AMOTL1: variants seen among roughly 807,000 people sequenced by gnomAD.
AMOTL1 encodes angiomotin-like protein 1.
In AMOTL1, 45 loss-of-function variants were observed where a neutral mutation model predicts 102.9. That is an observed-to-expected ratio of 0.44 (90% CI 0.34 to 0.56). The LOEUF is 0.56. Among genes scored for constraint, AMOTL1 ranks in the 20% least tolerant of loss-of-function variants. The probability of loss-of-function intolerance (pLI) is 0.01; values close to 1 mark genes in which losing one functional copy is unlikely to be tolerated. For missense variants in AMOTL1, 1,114 were observed against 1,225.6 expected (o/e 0.91, Z 1.36); for synonymous variants, 481 against 484.7 (o/e 0.99, Z 0.10).
chr11:94,720,867 CGTAA>C (rs1298104067), intron 1 of AMOTL1, among the ~76,000 whole-genome samples: 1 of 151,948 alleles, frequency 6.6e-6, no homozygotes. Context: ...GGAGGGTGTG[CGTAA>C]GTTAGTTTCC....
chr11:94,709,583 A>G (rs1389043916), intron 1 of AMOTL1, among the ~76,000 whole-genome samples: 1 of 152,200 alleles, frequency 6.6e-6, no homozygotes, highest in Admixed American at 6.5e-5. Context: ...GAGAGGCTAC[A>G]AGGATTGAAT....
At position 94,799,727 on chromosome 11, in the gene AMOTL1, GCAGCCT is replaced by G; in HGVS notation, c.542_547del (p.Pro181_Gln182del). On this transcript the variant is annotated inframe_deletion, in exon 3 of 13. Coordinates refer to ENST00000433060, the MANE Select transcript of AMOTL1 (RefSeq NM_130847.3). This position sits in a 1 kb window ranked among gnomAD's most constrained non-coding sequence, Gnocchi z 4.5. ...TGATGGAGAAACAGGTCCGGTCCAC[GCAGCCT>G]CAGCAGAACAACGAGGAACTGCCCA... The G allele has an allele frequency of 6.2e-7, 1 of 1,613,002 alleles. No individual in the cohort carries two copies. Among genetic ancestry groups the G allele is most frequent in the Non-Finnish European group, 8.5e-7 (1 of 1,179,426 alleles).
chr11:94,710,998 C>G (rs923770643), intron 1 of AMOTL1, among the ~76,000 whole-genome samples: 2 of 152,080 alleles, frequency 1.3e-5, no homozygotes, highest in African/African-American at 4.8e-5. Flanking sequence ...TACGGGGATC[C>G]AAAGCCCAAG....
chr11:94,854,140 T>C, intron 8 of AMOTL1, 58 bp downstream of exon 8: 2 of 1,464,938 alleles, frequency 1.4e-6, no homozygotes, highest in East Asian at 2.5e-5. Flanking sequence ...AGCAAACGTA[T>C]GGATGTTCTA....
At position 94,778,840 on chromosome 11, in the gene AMOTL1, G is replaced by A. The variant is rs566606398; in HGVS notation, c.49+10280G>A. Among the ~76,000 whole-genome samples, 6 of 152,300 alleles carry A rather than the reference G, an allele frequency of 3.9e-5. No individual in the cohort carries two copies. The South Asian group carries it at 8.3e-4, about 21-fold the overall frequency. ...ACTTGAAGGCTAGGTCTGCAGACCA[G>A]AGTGTCAACAAGTTGCCTTTCCACA... On this transcript the variant is annotated intron_variant, in intron 1 of 12. Transcript: ENST00000433060.
At chr11:94,764,932 C>T (rs971219641), upstream of AMOTL1, among the ~76,000 whole-genome samples, 11 of 152,230 alleles carry the variant, frequency 7.2e-5, no homozygotes, top group Middle Eastern at 3.4e-3. Flanking sequence ...TGAGGCTCTC[C>T]GTGTCTAGAA....
intron 11 of AMOTL1, among the ~76,000 whole-genome samples, chr11:94,866,964 G>A (rs1246423782): frequency 1.3e-5 from 2 of 152,128 alleles, no homozygotes; most frequent in African/African-American, 4.8e-5. Flanking sequence ...GGGGAAGCAG[G>A]CAGCGTGCTC....
chr11:94,765,406 CAG>C (rs1325830040), upstream of AMOTL1, among the ~76,000 whole-genome samples: 4 of 152,304 alleles, frequency 2.6e-5, no homozygotes, highest in Admixed American at 2.0e-4. Context: ...TAGTGAAATT[CAG>C]AGTCTTTTTT....
chr11:94,738,259 CTTTT>C (rs10598219), intron 2 of AMOTL1, among the ~76,000 whole-genome samples: 13 of 139,010 alleles, frequency 9.4e-5, no homozygotes, highest in Non-Finnish European at 1.3e-4. Flanking sequence ...TAATTTTGTG[CTTTT>C]TTTTTTTTTT....
At chr11:94,841,901 G>T (rs1373603901) in intron 6 of AMOTL1, among the ~76,000 whole-genome samples, 1 of 152,198 alleles carries the variant, frequency 6.6e-6, no homozygotes, top group Non-Finnish European at 1.5e-5. Flanking sequence ...AACTTCTACA[G>T]GTAGAGAGTC....
At chr11:94,803,394 A>T (rs1565358997) in intron 3 of AMOTL1, among the ~76,000 whole-genome samples, 1 of 152,126 alleles carries the variant, frequency 6.6e-6, no homozygotes, top group African/African-American at 2.4e-5. Context: ...ACCTTGGCCC[A>T]TGTGGGTGAG....
In AMOTL1 at chr11:94,799,922, G is replaced by C; in HGVS notation, c.732G>C (p.Ala244=). Reference sequence around the variant, plus strand: ...TGAACCGTGCCAACAGTGGACAGGCGCATAAGGACGAGGCGCTGAAGGAAC... The same window carrying C: ...TGAACCGTGCCAACAGTGGACAGGCCCATAAGGACGAGGCGCTGAAGGAAC... ...PTVNRANSGQ[A]HKDEALKELK... is the part of the protein sequence containing the mutation. Residue 244 remains alanine (A), a synonymous_variant, in exon 3 of 13, where the codon GCG becomes GCC. Transcript: ENST00000433060. The surrounding 1 kb of genome is among the most constrained non-coding windows in gnomAD (Gnocchi z 4.5). 6.2e-7 allele frequency: 1 copy of C among 1,611,366 alleles called. No homozygotes were observed. The highest frequency in any genetic ancestry group is 1.3e-5 in the African/African-American group (1 of 75,054).
chr11:94,713,986 C>T (rs1275889366), intron 1 of AMOTL1, among the ~76,000 whole-genome samples: 2 of 151,984 alleles, frequency 1.3e-5, no homozygotes, highest in African/African-American at 4.8e-5. Context: ...GAAAAGCATT[C>T]AGTCTTTCAC....
intron 1 of AMOTL1, among the ~76,000 whole-genome samples, chr11:94,728,411 A>G (rs1427956785): frequency 6.6e-6 from 1 of 152,204 alleles, no homozygotes; most frequent in Non-Finnish European, 1.5e-5. Flanking sequence ...TTCTTTTAAA[A>G]TAATATTTAT....
chr11:94,733,629 G>T (rs925135529), intron 2 of AMOTL1, among the ~76,000 whole-genome samples: 10 of 152,228 alleles, frequency 6.6e-5, no homozygotes, highest in African/African-American at 2.4e-4. Flanking sequence ...TAGATGCTGG[G>T]TTGGAAATAT....
Position 94,866,094 on chromosome 11 carries a change from CT to C in AMOTL1, c.2415del (p.Arg806AlafsTer24). On this transcript the variant is annotated frameshift_variant, in exon 11 of 13. Transcript: ENST00000433060. LOFTEE classifies it high-confidence loss of function. ...ATAGCAGCAGCTACTGGGACACACT[CT>C]CGCCAGACCTCTCTTACCAGCAGCC... ...PSIAAATGTH[S>X]RQTSLTSSQL... is the part of the protein sequence containing the mutation. 1 of 1,614,008 alleles carries C rather than the reference CT, an allele frequency of 6.2e-7. No individual in the cohort carries two copies. The highest frequency in any genetic ancestry group is 8.5e-7 in the Non-Finnish European group (1 of 1,179,902).
intron 1 of AMOTL1, among the ~76,000 whole-genome samples, chr11:94,775,795 G>A (rs1281034922): frequency 1.3e-5 from 2 of 152,146 alleles, no homozygotes; most frequent in South Asian, 2.1e-4. Flanking sequence ...TGAATGAAAT[G>A]TACCACATCT....
intron 1 of AMOTL1, among the ~76,000 whole-genome samples, chr11:94,771,043 A>G (rs1483805097): frequency 6.6e-6 from 1 of 152,206 alleles, no homozygotes; most frequent in Admixed American, 6.5e-5. Flanking sequence ...ATTTCTTCAT[A>G]GTAATTTGTG....
intron 11 of AMOTL1, among the ~76,000 whole-genome samples, chr11:94,868,956 A>C (rs1212946824): frequency 1.3e-5 from 2 of 151,260 alleles, no homozygotes; most frequent in Admixed American, 6.6e-5. Context: ...AAAAAAAAAA[A>C]CAAAAAAAAC....
Sources: allele counts gnomAD v4.1 joint callset (sites outside exome capture counted in the v4.1 genomes callset), GRCh38; gene constraint gnomAD v4.1.1; non-coding constraint Gnocchi (gnomAD v3.1); transcripts MANE v1.5; gene names NCBI Gene and HGNC (gene_info 2026-07-23, HGNC 2026-07-21).